Variants in PGR observed in about 807,000 individuals in gnomAD.
The protein encoded by PGR is progesterone receptor.
In PGR, 25 loss-of-function variants were observed where a neutral mutation model predicts 76.1. That is an observed-to-expected ratio of 0.33 (90% CI 0.24 to 0.46). The LOEUF is 0.46. Ranked by LOEUF, PGR falls within the 20% of genes least tolerant of loss-of-function variation. The pLI is 1.00. For missense variants in PGR, 1,172 were observed against 1,225.3 expected, an observed-to-expected ratio of 0.96 and a Z score of 0.65; for synonymous variants, 579 against 535.0, an observed-to-expected ratio of 1.08 and a Z score of -1.14.
intron 6 of PGR, among the ~76,000 whole-genome samples, chr11:101,048,913 C>T (rs1404692621): frequency 6.6e-6 from 1 of 151,726 alleles, no homozygotes; most frequent in Non-Finnish European, 1.5e-5. Flanking sequence ...GTACAGTTCT[C>T]TTTCTTTCTT....
chr11:101,108,248 T>TA (rs550121348), intron 2 of PGR, among the ~76,000 whole-genome samples: 7,245 of 115,346 alleles, frequency 0.063, 276 homozygotes, highest in Non-Finnish European at 0.084. Flanking sequence ...AGACTCCGTC[T>TA]AAAAAAAAAA....
intron 7 of PGR, among the ~76,000 whole-genome samples, chr11:101,041,450 A>G (rs912576929): frequency 2.0e-5 from 3 of 152,000 alleles, no homozygotes; most frequent in Non-Finnish European, 2.9e-5. Flanking sequence ...ACATCCTTGC[A>G]TGTATATTAC....
chr11:101,062,298 A>G lies in PGR; in HGVS notation c.2212+149T>C, dbSNP rs138937924. On this transcript the variant is annotated intron_variant, in intron 4 of 7. Transcript: ENST00000325455. ...TGTAACACATATTAGGGTCCTAGAC[A>G]AATATTTTGAACTGCTCAAACACAT... 6.8e-4 allele frequency: 443 copies of G among 651,732 alleles called. 2 individuals carry two copies. The highest frequency in any genetic ancestry group is 6.8e-3 in the African/African-American group (373 of 55,124). 40.4% of individuals were successfully genotyped at this position (651,732 alleles called of 1,614,324 possible). A position where few individuals can be genotyped will look rare whatever the true frequency, so the allele number is the denominator to read the frequency against.
chr11:101,071,718 AAGG>A (rs1328456856), intron 3 of PGR, among the ~76,000 whole-genome samples: 1 of 151,894 alleles, frequency 6.6e-6, no homozygotes, highest in East Asian at 2.0e-4. Context: ...AAGCAGAAGA[AAGG>A]ATATCAGAGA....
chr11:101,087,804 T>C (rs1565351966), intron 3 of PGR, among the ~76,000 whole-genome samples: 1 of 151,512 alleles, frequency 6.6e-6, no homozygotes, highest in Non-Finnish European at 1.5e-5. Context: ...AAAGGAGACA[T>C]ACAAGCAGCC....
rs1354740481 is a variant in PGR, at chr11:101,060,179, TTGTGTGTGTGTGCGTG to T, written c.2212+2252_2212+2267del. 2.0e-5 allele frequency among the ~76,000 whole-genome samples: 3 copies of T among 152,040 alleles called. No homozygotes were observed. In the East Asian group the frequency reaches 5.8e-4, roughly 29 times the overall value. The stretch of plus-strand genomic sequence containing the variant: ...AACATAAGTATTATGTATATTTATA[TTGTGTGTGTGTGCGTG>T]TGTGTGTGTGTGTCTCACTGTAAAT... On this transcript the variant is annotated intron_variant, in intron 4 of 7. Transcript: ENST00000325455.
chr11:101,050,038 T>C lies in PGR; in HGVS notation c.2379A>G (p.Ser793=), dbSNP rs1207651458. 1 of 1,612,634 alleles carries C rather than the reference T, an allele frequency of 6.2e-7. No homozygotes were observed. Among genetic ancestry groups the C allele is most frequent in the East Asian group, 2.2e-5 (1 of 44,734 alleles). Residue 793 remains serine (S), a synonymous_variant, in exon 6 of 8, where the codon TCA becomes TCG. Coordinates refer to ENST00000325455, the MANE Select transcript of PGR (RefSeq NM_000926.4). Reference sequence around the variant, plus strand: ...ACATGGTAAGGCATAATGAATAGAATGATGATTCTTTCATCCGCTGTCTTG... The same window carrying C: ...ACATGGTAAGGCATAATGAATAGAACGATGATTCTTTCATCCGCTGTCTTG... The part of the protein sequence containing the change: ...ILNEQRMKES[S]FYSLCLTMWQ...
intron 4 of PGR, among the ~76,000 whole-genome samples, chr11:101,053,730 CTCTT>C (rs1283648510): frequency 1.3e-5 from 2 of 150,410 alleles, no homozygotes; most frequent in East Asian, 2.0e-4. Flanking sequence ...TTCCTTCCCT[CTCTT>C]TCTTCCTTTC....
At chr11:101,070,898 C>A (rs1860911645) in intron 3 of PGR, among the ~76,000 whole-genome samples, 1 of 152,252 alleles carries the variant, frequency 6.6e-6, no homozygotes, top group Admixed American at 6.5e-5. Context: ...GGCGCAGCTT[C>A]AGCAGACTTA....
intron 2 of PGR, among the ~76,000 whole-genome samples, chr11:101,109,532 C>T (rs1862279094): frequency 6.6e-6 from 1 of 152,182 alleles, no homozygotes; most frequent in African/African-American, 2.4e-5. Flanking sequence ...TAATCCAGAG[C>T]AAGGCCATAA....
Position 101,064,363 on chromosome 11 carries a change from A to C in PGR, c.1907-1611T>G, listed in dbSNP as rs1298894849. Among the ~76,000 whole-genome samples the C allele has an allele frequency of 1.1e-4, 16 of 147,556 alleles. 1 individual carries two copies. The highest frequency in any genetic ancestry group is 7.0e-3 in the Middle Eastern group (2 of 286). On this transcript the variant is annotated intron_variant, in intron 3 of 7. Coordinates refer to ENST00000325455, the MANE Select transcript of PGR (RefSeq NM_000926.4). The stretch of plus-strand genomic sequence containing the variant: ...AAAAAAAAAAAAAAAAAAAAAAAAA[A>C]AAAAAAAACAGCCCCAACGAGTTGA...
intron 2 of PGR, among the ~76,000 whole-genome samples, chr11:101,105,632 A>C (rs482815): frequency 0.97 from 147,967 of 151,982 alleles, 72,043 homozygotes; most frequent in East Asian, 1. Flanking sequence ...GAATCAATGT[A>C]GTGAAAATGG....
intron 7 of PGR, 92 bp from the exon 8 acceptor site, chr11:101,039,363 A>G: frequency 1.1e-6 from 1 of 943,380 alleles, no homozygotes; most frequent in Non-Finnish European, 1.7e-6. Flanking sequence ...CTAACTATTT[A>G]TAATATAAAT....
chr11:101,104,991 G>T (rs1434650957), intron 2 of PGR, among the ~76,000 whole-genome samples: 1 of 152,168 alleles, frequency 6.6e-6, no homozygotes, highest in Non-Finnish European at 1.5e-5. Context: ...AAGCTGGAAT[G>T]GGTTGGAGAA....
At chr11:101,049,484 A>G (rs1487785089) in intron 6 of PGR, among the ~76,000 whole-genome samples, 1 of 152,170 alleles carries the variant, frequency 6.6e-6, no homozygotes, top group African/African-American at 2.4e-5. Flanking sequence ...GTTTGTTTAC[A>G]TTAGTATCAC....
In PGR at chr11:101,044,322, C is replaced by A. The variant is rs942855600; in HGVS notation, c.2489-2220G>T. Among the ~76,000 whole-genome samples, 3 of 152,164 alleles carry A rather than the reference C, an allele frequency of 2.0e-5. No homozygotes were observed. The East Asian group carries it at 5.8e-4, about 29-fold the overall frequency. The stretch of plus-strand genomic sequence containing the variant: ...TGCTAGCTTCAAACTTTTTTCTGCT[C>A]CTTCCTTACATCTCTTTGCCTTCCT... On this transcript the variant is annotated intron_variant, in intron 6 of 7. Coordinates refer to ENST00000325455, the MANE Select transcript of PGR (RefSeq NM_000926.4).
In PGR at chr11:101,040,221, C is replaced by T. The variant is rs544315726; in HGVS notation, c.2647-950G>A. ...TTCTGCAACAGAATTGTAAAAATCA[C>T]CTCAATTACAGTCATACTTAGTGGT... On this transcript the variant is annotated intron_variant, in intron 7 of 7. Coordinates refer to ENST00000325455, the MANE Select transcript of PGR (RefSeq NM_000926.4). 2.0e-5 allele frequency among the ~76,000 whole-genome samples: 3 copies of T among 152,128 alleles called. No individual in the cohort carries two copies. In the South Asian group the frequency reaches 6.2e-4, roughly 32 times the overall value.
chr11:101,085,525 TAAAAAA>T (rs1212568882), intron 3 of PGR, among the ~76,000 whole-genome samples: 2 of 42,276 alleles, frequency 4.7e-5, no homozygotes, highest in Admixed American at 3.8e-4. Context: ...CTAGAGGAAC[TAAAAAA>T]AAAAAAAAAA....
At chr11:101,109,557 A>G (rs1302506805) in intron 2 of PGR, among the ~76,000 whole-genome samples, 2 of 152,216 alleles carry the variant, frequency 1.3e-5, no homozygotes, top group South Asian at 2.1e-4. Flanking sequence ...CTTCAATTCT[A>G]TCAAGGGTGA....
Sources: gnomAD v4.1 joint callset for allele counts (sites outside exome capture counted in the v4.1 genomes callset) on GRCh38, gnomAD v4.1.1 for gene constraint, MANE v1.5 for transcripts, NCBI Gene and HGNC (gene_info 2026-07-23, HGNC 2026-07-21) for gene names.